The following HMGB1 variants were observed in gnomAD, a reference collection of about 807,000 sequenced individuals.
HMGB1 encodes high mobility group box 1.
For synonymous variants in HMGB1, 81 were observed against 84.0 expected (o/e 0.96, Z 0.19); for missense variants, 79 against 253.5 (o/e 0.31, Z 4.67).
At chr13:30,529,379 C>A (rs1421660965) in intron 1 of HMGB1, among the ~76,000 whole-genome samples, 1 of 152,160 alleles carries the variant, frequency 6.6e-6, no homozygotes, top group African/African-American at 2.4e-5. Context: ...GAACCAAGGA[C>A]AACTAATGAG....
chr13:30,598,308 G>A (rs1196232183), intron 1 of HMGB1, among the ~76,000 whole-genome samples: 3 of 152,224 alleles, frequency 2.0e-5, no homozygotes, highest in African/African-American at 7.2e-5. Context: ...CACATATACA[G>A]AAAGTAGGGC....
chr13:30,595,987 G>A (rs1488083518), intron 1 of HMGB1, among the ~76,000 whole-genome samples: 1 of 152,168 alleles, frequency 6.6e-6, no homozygotes, highest in Non-Finnish European at 1.5e-5. Context: ...AGTAACAAGA[G>A]GCAAGAATCC....
chr13:30,599,851 G>A (rs1373749046), intron 1 of HMGB1, among the ~76,000 whole-genome samples: 1 of 152,080 alleles, frequency 6.6e-6, no homozygotes, highest in East Asian at 1.9e-4. Context: ...ATTGGGGGTG[G>A]GGCACAATTC....
chr13:30,512,581 C>T (rs1222831286), intron 1 of HMGB1, among the ~76,000 whole-genome samples: 1 of 152,180 alleles, frequency 6.6e-6, no homozygotes, highest in Non-Finnish European at 1.5e-5. Flanking sequence ...GTTGCAGATC[C>T]CCCTGCAGAC....
At chr13:30,596,043 G>C (rs2137558236) in intron 1 of HMGB1, among the ~76,000 whole-genome samples, 1 of 152,320 alleles carries the variant, frequency 6.6e-6, no homozygotes, top group Admixed American at 6.5e-5. Context: ...GAAAACACCA[G>C]GGGAGTGCGA....
chr13:30,551,742 G>C (rs551171251), intron 1 of HMGB1, among the ~76,000 whole-genome samples: 2 of 152,266 alleles, frequency 1.3e-5, no homozygotes, highest in East Asian at 3.9e-4. Context: ...GTCTTGCTCT[G>C]TTGCCCAGGC....
rs536398432 is a variant in HMGB1 at position 30,528,504 on chromosome 13, G to A, written c.-14-64810C>T. ...AGTTTACACAAACTTGTGAGGTCAC[G>A]TTTGTTGCCTCTGGTTGACCAGACG... On this transcript the variant is annotated intron_variant, in intron 1 of 4. Transcript: ENST00000405805. Among the ~76,000 whole-genome samples the A allele has an allele frequency of 1.1e-4, 17 of 152,308 alleles. No homozygotes were observed. The East Asian group carries it at 2.7e-3, about 24-fold the overall frequency.
chr13:30,497,240 T>G (rs1384833201), intron 1 of HMGB1, among the ~76,000 whole-genome samples: 5 of 152,144 alleles, frequency 3.3e-5, no homozygotes, highest in African/African-American at 1.2e-4. Context: ...TCATTCCATT[T>G]TTGGATCTAC....
At chr13:30,565,454 T>C (rs911327366) in intron 1 of HMGB1, among the ~76,000 whole-genome samples, 5 of 152,222 alleles carry the variant, frequency 3.3e-5, no homozygotes, top group Non-Finnish European at 7.4e-5. Context: ...AGATCTGTCA[T>C]GCTTATAGGT....
At chr13:30,561,733 TTTTC>T (rs1261074533) in intron 1 of HMGB1, among the ~76,000 whole-genome samples, 4 of 151,594 alleles carry the variant, frequency 2.6e-5, no homozygotes, top group African/African-American at 9.7e-5. Context: ...AAGCAAGAGG[TTTTC>T]TTTAAGACTG....
chr13:30,549,199 C>G (rs1869304083), intron 1 of HMGB1, among the ~76,000 whole-genome samples: 1 of 151,990 alleles, frequency 6.6e-6, no homozygotes, highest in South Asian at 2.1e-4. Flanking sequence ...CAGGTGCTCG[C>G]TTGGGTCCAG....
intron 1 of HMGB1, among the ~76,000 whole-genome samples, chr13:30,615,923 A>G (rs527898827): frequency 2.7e-4 from 41 of 152,366 alleles, no homozygotes; most frequent in African/African-American, 9.6e-4. Context: ...AAATAGGTCA[A>G]TAAAATTTCT....
intron 1 of HMGB1, among the ~76,000 whole-genome samples, chr13:30,568,903 G>A (rs1333512098): frequency 3.9e-5 from 6 of 152,314 alleles, no homozygotes; most frequent in South Asian, 2.1e-4. Context: ...AGGGCCAGGC[G>A]TGGTGGCTCA....
At chr13:30,474,541 C>T (rs529796014) in intron 1 of HMGB1, among the ~76,000 whole-genome samples, 18 of 152,192 alleles carry the variant, frequency 1.2e-4, no homozygotes, top group Non-Finnish European at 1.9e-4. Context: ...GGACTGACAG[C>T]GTAAACTGGC....
chr13:30,508,357 CA>C (rs1426191059), intron 1 of HMGB1, among the ~76,000 whole-genome samples: 1 of 151,766 alleles, frequency 6.6e-6, no homozygotes, highest in Non-Finnish European at 1.5e-5. Context: ...AATAAAAATA[CA>C]AAAATTAGCT....
upstream of HMGB1, among the ~76,000 whole-genome samples, chr13:30,468,685 A>T (rs1014003380): frequency 1.3e-5 from 2 of 152,228 alleles, no homozygotes; most frequent in Non-Finnish European, 2.9e-5. Context: ...CACCACTTGC[A>T]GGCAATTCAT....
chr13:30,526,786 C>T (rs1218428649), intron 1 of HMGB1, among the ~76,000 whole-genome samples: 1 of 152,228 alleles, frequency 6.6e-6, no homozygotes, highest in African/African-American at 2.4e-5. Flanking sequence ...GCCAAAGCTC[C>T]TCTCCATACC....
At chr13:30,514,883 G>A (rs1888069296) in intron 1 of HMGB1, among the ~76,000 whole-genome samples, 1 of 152,140 alleles carries the variant, frequency 6.6e-6, no homozygotes, top group African/African-American at 2.4e-5. Context: ...GATGATCCTC[G>A]ATGACCTCCC....
chr13:30,505,370 G>C (rs556937307), intron 1 of HMGB1, among the ~76,000 whole-genome samples: 5 of 152,070 alleles, frequency 3.3e-5, no homozygotes, highest in South Asian at 2.1e-4. Flanking sequence ...AGTAGAGACA[G>C]GGTTTCACCG....
Sources: allele counts gnomAD v4.1 joint callset (sites outside exome capture counted in the v4.1 genomes callset), GRCh38; gene constraint gnomAD v4.1.1; transcripts MANE v1.5; gene names NCBI Gene and HGNC (gene_info 2026-07-23, HGNC 2026-07-21).